Variants in METTL15 observed in about 807,000 individuals in gnomAD.
METTL15 encodes methyltransferase 15, mitochondrial 12S rRNA N4-cytidine.
A neutral mutation model predicts 38.3 loss-of-function variants in METTL15; 34 were observed. The ratio of observed to expected loss-of-function variants is 0.89; its 90% confidence interval spans 0.68 to 1.18. METTL15 has a LOEUF of 1.18. METTL15 is among the 50% of genes most tolerant of loss of function. The pLI is 0.00. For synonymous variants in METTL15, 162 were observed against 170.9 expected, an observed-to-expected ratio of 0.95 and a Z score of 0.41; for missense variants, 438 against 498.4, an observed-to-expected ratio of 0.88 and a Z score of 1.15.
chr11:28,424,592 T>C (rs1850848774), intron 6 of METTL15, among the ~76,000 whole-genome samples: 3 of 152,176 alleles, frequency 2.0e-5, no homozygotes, highest in Non-Finnish European at 4.4e-5. Context: ...TACAGAACTT[T>C]TATATTCTAT....
At chr11:28,212,019 G>C (rs1183503733) in intron 4 of METTL15, among the ~76,000 whole-genome samples, 1 of 152,028 alleles carries the variant, frequency 6.6e-6, no homozygotes. Flanking sequence ...GTTTTTACTA[G>C]TTGTAGCTAT....
chr11:28,433,900 T>C (rs1268126787), intron 6 of METTL15, among the ~76,000 whole-genome samples: 1 of 152,146 alleles, frequency 6.6e-6, no homozygotes, highest in East Asian at 1.9e-4. Context: ...AATGTAATGT[T>C]TAATTGAAGC....
intron 5 of METTL15, among the ~76,000 whole-genome samples, chr11:28,421,676 T>TA (rs1261364832): frequency 6.6e-6 from 1 of 151,610 alleles, no homozygotes. Context: ...ATAAAAACCC[T>TA]AAAAAATGAC....
chr11:28,528,434 T>G (rs958577936), downstream of METTL15, among the ~76,000 whole-genome samples: 2 of 152,202 alleles, frequency 1.3e-5, no homozygotes, highest in Admixed American at 1.3e-4. Flanking sequence ...TCCTACTCCT[T>G]TCATATAACA....
chr11:28,206,950 A>C (rs1852371802), intron 3 of METTL15, among the ~76,000 whole-genome samples: 2 of 107,822 alleles, frequency 1.9e-5, no homozygotes, highest in Non-Finnish European at 1.8e-5. Context: ...ATTTTTGTAT[A>C]TTGATTTTGT....
At chr11:28,315,833 A>C (rs1165920517) in intron 6 of METTL15, among the ~76,000 whole-genome samples, 1 of 152,222 alleles carries the variant, frequency 6.6e-6, no homozygotes, top group Non-Finnish European at 1.5e-5. Flanking sequence ...CAGGGGGTGG[A>C]AGTCCCAAGC....
At chr11:28,233,473 T>C (rs1853780291) in intron 4 of METTL15, among the ~76,000 whole-genome samples, 1 of 152,060 alleles carries the variant, frequency 6.6e-6, no homozygotes, top group Non-Finnish European at 1.5e-5. Context: ...ATTTTTTTTT[T>C]AACTTAAAGG....
At chr11:28,174,824 A>G (rs568463972) in intron 3 of METTL15, among the ~76,000 whole-genome samples, 11 of 145,558 alleles carry the variant, frequency 7.6e-5, no homozygotes, top group African/African-American at 2.7e-4. Flanking sequence ...CAAAAAAAAA[A>G]AAAAAACATA....
intron 4 of METTL15, among the ~76,000 whole-genome samples, chr11:28,244,518 C>T (rs192259884): frequency 3.1e-3 from 473 of 152,114 alleles, no homozygotes; most frequent in Non-Finnish European, 4.2e-3. Context: ...AATATAAATT[C>T]CTAGGCTGTA....
chr11:28,209,550 A>C (rs1275022942), intron 3 of METTL15, among the ~76,000 whole-genome samples: 1 of 152,098 alleles, frequency 6.6e-6, no homozygotes, highest in African/African-American at 2.4e-5. Flanking sequence ...GTTAAGTCAC[A>C]CTACAACATT....
intron 3 of METTL15, among the ~76,000 whole-genome samples, chr11:28,157,369 A>G (rs956912469): frequency 9.2e-5 from 14 of 152,180 alleles, no homozygotes; most frequent in Admixed American, 4.6e-4. Context: ...CACTTGGGCA[A>G]TATGACCCAG....
chr11:28,449,343 C>T (rs898381206), intron 6 of METTL15, among the ~76,000 whole-genome samples: 2 of 152,098 alleles, frequency 1.3e-5, no homozygotes, highest in African/African-American at 4.8e-5. Flanking sequence ...ACAGACACTC[C>T]TATGTTACTC....
chr11:28,235,720 G>A (rs1255783603), intron 4 of METTL15, among the ~76,000 whole-genome samples: 1 of 152,036 alleles, frequency 6.6e-6, no homozygotes, highest in African/African-American at 2.4e-5. Context: ...AGACAATGGG[G>A]TTTTCTAGAT....
In METTL15 at chr11:28,433,634, T is replaced by C. The variant is rs571725702; in HGVS notation, c.*424+9270T>C. On this transcript the variant is annotated intron_variant and NMD_transcript_variant, in intron 6 of 7. Coordinates refer to the METTL15 transcript ENST00000532947. ...TGAGTGTTAGATTTGATGATGGTGGTGATGATGACGATTATCTTTAATTAT... is the reference window on the plus strand; with the variant it reads ...TGAGTGTTAGATTTGATGATGGTGGCGATGATGACGATTATCTTTAATTAT... Among the ~76,000 whole-genome samples the C allele has an allele frequency of 2.0e-5, 3 of 152,268 alleles. No individual in the cohort carries two copies. The East Asian group carries it at 5.8e-4, about 29-fold the overall frequency.
intron 4 of METTL15, among the ~76,000 whole-genome samples, chr11:28,250,332 T>C (rs1303597226): frequency 1.3e-5 from 2 of 152,092 alleles, no homozygotes; most frequent in Non-Finnish European, 2.9e-5. Flanking sequence ...TAATTTACAT[T>C]ACCACCAGCA....
chr11:28,304,113 C>T (rs1856999907), intron 6 of METTL15, among the ~76,000 whole-genome samples: 1 of 152,012 alleles, frequency 6.6e-6, no homozygotes, highest in Non-Finnish European at 1.5e-5. Flanking sequence ...GTAATTCAGA[C>T]AGTAAAGGAA....
chr11:28,457,293 A>G (rs2133452464), intron 6 of METTL15, among the ~76,000 whole-genome samples: 1 of 152,288 alleles, frequency 6.6e-6, no homozygotes, highest in Admixed American at 6.5e-5. Context: ...TTTCATCCTT[A>G]TGTTTGTCTA....
intron 5 of METTL15, among the ~76,000 whole-genome samples, chr11:28,382,408 G>GA (rs927177908): frequency 6.6e-6 from 1 of 152,084 alleles, no homozygotes; most frequent in African/African-American, 2.4e-5. Context: ...GGTATCCCAT[G>GA]AAAAAACCCA....
intron 5 of METTL15, among the ~76,000 whole-genome samples, chr11:28,394,642 T>C (rs992957801): frequency 6.6e-6 from 1 of 152,112 alleles, no homozygotes; most frequent in African/African-American, 2.4e-5. Context: ...ATTTATCTTA[T>C]GACAAGATTC....
Sources: allele counts gnomAD v4.1 joint callset (sites outside exome capture counted in the v4.1 genomes callset), GRCh38; gene constraint gnomAD v4.1.1; transcripts MANE v1.5; gene names NCBI Gene and HGNC (gene_info 2026-07-23, HGNC 2026-07-21).